The following LRRC4C variants were observed in gnomAD, a reference collection of about 807,000 sequenced individuals.
The protein encoded by LRRC4C is leucine-rich repeat-containing protein 4C.
Under a neutral mutation model 33.6 loss-of-function variants are expected in LRRC4C, and 5 were observed. The observed-to-expected ratio is 0.15, with a 90% CI of 0.08 to 0.31. The LOEUF is 0.31. Among genes scored for constraint, LRRC4C ranks in the 10% least tolerant of loss-of-function variants. The pLI, the probability that LRRC4C is intolerant of heterozygous loss-of-function variation, is 1.00. For synonymous variants in LRRC4C, 329 were observed against 302.0 expected (o/e 1.09, Z -0.93); for missense variants, 560 against 796.7 (o/e 0.70, Z 3.58).
intron 2 of LRRC4C, among the ~76,000 whole-genome samples, chr11:40,746,181 G>A (rs1948408599): frequency 6.6e-6 from 1 of 152,122 alleles, no homozygotes; most frequent in East Asian, 1.9e-4. Context: ...TTTCCACCAT[G>A]GACTCATGAG....
intron 2 of LRRC4C, among the ~76,000 whole-genome samples, chr11:40,863,812 A>T (rs1053796889): frequency 2.6e-5 from 4 of 152,120 alleles, no homozygotes; most frequent in South Asian, 2.1e-4. Context: ...TTTCAAAAAG[A>T]TATTTTTGTG....
At chr11:40,852,613 G>T (rs370826584) in intron 2 of LRRC4C, among the ~76,000 whole-genome samples, 3 of 152,060 alleles carry the variant, frequency 2.0e-5, no homozygotes, top group African/African-American at 7.2e-5. Context: ...TGGATAGAAG[G>T]CTCAGAAGAT....
intron 2 of LRRC4C, among the ~76,000 whole-genome samples, chr11:40,882,068 T>C (rs1343661539): frequency 6.6e-6 from 1 of 152,032 alleles, no homozygotes; most frequent in East Asian, 1.9e-4. Flanking sequence ...CACTCAGCTG[T>C]GCCATCGAGG....
At chr11:41,155,706 T>C (rs545411425) in intron 1 of LRRC4C, among the ~76,000 whole-genome samples, 6 of 152,278 alleles carry the variant, frequency 3.9e-5, no homozygotes, top group Non-Finnish European at 7.4e-5. Context: ...TAGATACTTT[T>C]GGTTTTGCAA....
chr11:40,984,415 G>GAAAGAA (rs775053197), intron 1 of LRRC4C, among the ~76,000 whole-genome samples: 3 of 73,600 alleles, frequency 4.1e-5, no homozygotes, highest in African/African-American at 1.3e-4. Context: ...AAGAAAGAAA[G>GAAAGAA]AGAAAGAAAG....
chr11:40,725,774 A>G (rs764220233), intron 2 of LRRC4C, among the ~76,000 whole-genome samples: 7 of 152,170 alleles, frequency 4.6e-5, no homozygotes, highest in Non-Finnish European at 7.3e-5. Flanking sequence ...CTTTTTAAAA[A>G]TGAAGTAGCC....
In LRRC4C at chr11:40,306,772, C is replaced by G. The variant is rs116372278; in HGVS notation, c.-176+12856G>C. 4.5e-3 allele frequency among the ~76,000 whole-genome samples: 689 copies of G among 152,306 alleles called. 6 individuals carry two copies. The highest frequency in any genetic ancestry group is 0.016 in the African/African-American group (645 of 41,566). On this transcript the variant is annotated intron_variant, in intron 4 of 6. Transcript: ENST00000528697. ...GCCCACGTTCAGAGACTCTCATTAG[C>G]TGCATGCCTATATCCCCATTCATTA...
At chr11:41,075,334 TTTAG>T (rs1939069563) in intron 1 of LRRC4C, among the ~76,000 whole-genome samples, 1 of 152,128 alleles carries the variant, frequency 6.6e-6, no homozygotes, top group Non-Finnish European at 1.5e-5. Context: ...AAAATATTGT[TTTAG>T]TTAGTTTACC....
At chr11:40,529,756 T>C (rs770042719) in intron 3 of LRRC4C, among the ~76,000 whole-genome samples, 35 of 152,288 alleles carry the variant, frequency 2.3e-4, no homozygotes, top group Non-Finnish European at 4.0e-4. Context: ...GATTCAATCA[T>C]GAATTTCTTC....
At chr11:40,443,122 G>A (rs1951468531) in intron 3 of LRRC4C, among the ~76,000 whole-genome samples, 1 of 152,262 alleles carries the variant, frequency 6.6e-6, no homozygotes, top group South Asian at 2.1e-4. Context: ...TTCAGTATAT[G>A]ATCAATCAGG....
chr11:40,537,137 T>G (rs891823735), intron 3 of LRRC4C, among the ~76,000 whole-genome samples: 1 of 152,092 alleles, frequency 6.6e-6, no homozygotes, highest in African/African-American at 2.4e-5. Context: ...TAACAAAAAA[T>G]GGCCACATTT....
intron 1 of LRRC4C, among the ~76,000 whole-genome samples, chr11:41,327,481 C>T (rs1221939497): frequency 6.6e-6 from 1 of 152,140 alleles, no homozygotes; most frequent in Non-Finnish European, 1.5e-5. Context: ...CCCAAGTGTA[C>T]AAATAAACTT....
At position 41,313,423 on chromosome 11, in the gene LRRC4C, A is replaced by G. The variant is rs147231173; in HGVS notation, c.-496+146008T>C. Among the ~76,000 whole-genome samples the G allele has an allele frequency of 7.7e-3, 1,178 of 152,288 alleles. 8 individuals carry two copies. Among genetic ancestry groups the G allele is most frequent in the Middle Eastern group, 0.017 (5 of 294 alleles). On this transcript the variant is annotated intron_variant, in intron 1 of 6. Coordinates refer to ENST00000528697, the MANE Select transcript of LRRC4C (RefSeq NM_001258419.2). ...ACACTGGCAACAGAATTGAACCACC[A>G]TATTTCGTTTACCCTTATTACTGGG... is the stretch of plus-strand genomic sequence containing the variant.
intron 3 of LRRC4C, among the ~76,000 whole-genome samples, chr11:40,455,824 A>AT (rs1272630806): frequency 1.3e-5 from 2 of 152,040 alleles, no homozygotes; most frequent in Non-Finnish European, 2.9e-5. Flanking sequence ...TTGTGGGCAT[A>AT]TTTTTTTCTC....
chr11:40,354,735 C>T (rs192007473), intron 3 of LRRC4C, among the ~76,000 whole-genome samples: 1 of 152,176 alleles, frequency 6.6e-6, no homozygotes, highest in East Asian at 2.0e-4. Context: ...TCAGGACAGT[C>T]GGCTTCCCTG....
At chr11:41,002,752 A>G (rs1157753992) in intron 1 of LRRC4C, among the ~76,000 whole-genome samples, 2 of 152,302 alleles carry the variant, frequency 1.3e-5, no homozygotes, top group East Asian at 3.9e-4. Context: ...CACAGAAGAA[A>G]AGTAGAAAGT....
chr11:40,837,932 A>G (rs1004783827), intron 2 of LRRC4C, among the ~76,000 whole-genome samples: 1 of 151,872 alleles, frequency 6.6e-6, no homozygotes, highest in African/African-American at 2.4e-5. Flanking sequence ...ACAGCTGTTC[A>G]TTTGCTGTTT....
chr11:41,236,313 C>A (rs1243889900), intron 1 of LRRC4C, among the ~76,000 whole-genome samples: 1 of 151,948 alleles, frequency 6.6e-6, no homozygotes, highest in Non-Finnish European at 1.5e-5. Context: ...GGGGTTCAAC[C>A]ACTTTTTGTT....
chr11:40,186,220 G>A (rs1861389041), intron 5 of LRRC4C, among the ~76,000 whole-genome samples: 2 of 152,152 alleles, frequency 1.3e-5, no homozygotes, highest in Admixed American at 6.5e-5. Flanking sequence ...ACAAAACAGG[G>A]AGTCTACAAT....
Sources: gnomAD v4.1 joint callset for allele counts (sites outside exome capture counted in the v4.1 genomes callset) on GRCh38, gnomAD v4.1.1 for gene constraint, MANE v1.5 for transcripts, NCBI Gene and HGNC (gene_info 2026-07-23, HGNC 2026-07-21) for gene names.